Variants in ME1 observed in about 807,000 individuals in gnomAD.
ME1 encodes the protein malic enzyme 1.
In ME1, 74 loss-of-function variants were observed where a neutral mutation model predicts 66.4. That is an observed-to-expected ratio of 1.11 (90% CI 0.92 to 1.35). The LOEUF is 1.35. Among genes scored for constraint, ME1 ranks in the 40% most tolerant of loss-of-function variants. The probability of loss-of-function intolerance (pLI) is 0.00; values close to 1 mark genes in which losing one functional copy is unlikely to be tolerated. For missense variants in ME1, 750 were observed against 694.1 expected, an observed-to-expected ratio of 1.08 and a Z score of -0.90; for synonymous variants, 251 against 235.6, an observed-to-expected ratio of 1.07 and a Z score of -0.60.
At chr6:83,401,125 T>C (rs771848578) in intron 2 of ME1, among the ~76,000 whole-genome samples, 1 of 152,198 alleles carries the variant, frequency 6.6e-6, no homozygotes, top group African/African-American at 2.4e-5. Flanking sequence ...TTTTCTAGCA[T>C]ATTTTATAAT....
chr6:83,376,934 T>A (rs1482223451), intron 3 of ME1, among the ~76,000 whole-genome samples: 3 of 152,062 alleles, frequency 2.0e-5, no homozygotes, highest in Non-Finnish European at 2.9e-5. Flanking sequence ...TTTGGGCCAA[T>A]GAGGTTACAT....
intron 3 of ME1, among the ~76,000 whole-genome samples, chr6:83,360,525 C>T (rs1011535141): frequency 6.6e-6 from 1 of 152,180 alleles, no homozygotes; most frequent in African/African-American, 2.4e-5. Flanking sequence ...CATAGACATA[C>T]TTAGCAGCTG....
intron 1 of ME1, among the ~76,000 whole-genome samples, chr6:83,426,098 G>A (rs1217140350): frequency 6.6e-6 from 1 of 152,176 alleles, no homozygotes; most frequent in East Asian, 1.9e-4. Context: ...ATGTAGCAAG[G>A]AGGACCTTCC....
chr6:83,334,657 C>A (rs1039178262), intron 5 of ME1, among the ~76,000 whole-genome samples: 1 of 43,370 alleles, frequency 2.3e-5, no homozygotes, highest in South Asian at 1.2e-3. Context: ...GGTCCCTGAC[C>A]CCTGACCCCC....
chr6:83,306,780 A>C (rs572217967), intron 6 of ME1, among the ~76,000 whole-genome samples: 75 of 152,224 alleles, frequency 4.9e-4, no homozygotes, highest in African/African-American at 1.8e-3. Flanking sequence ...GATAGTCAGA[A>C]AAAAGCAATC....
chr6:83,381,140 C>T (rs551747215), intron 3 of ME1, among the ~76,000 whole-genome samples: 4 of 151,938 alleles, frequency 2.6e-5, no homozygotes, highest in Middle Eastern at 3.4e-3. Context: ...AAGGCCCAGC[C>T]GAAATTGAAC....
At chr6:83,259,682 G>A (rs1339686546) in intron 6 of ME1, among the ~76,000 whole-genome samples, 1 of 152,110 alleles carries the variant, frequency 6.6e-6, no homozygotes, top group Non-Finnish European at 1.5e-5. Context: ...TTCTTTGTAG[G>A]TAACAACGAA....
chr6:83,288,644 T>G (rs529693467), intron 6 of ME1, among the ~76,000 whole-genome samples: 21 of 152,332 alleles, frequency 1.4e-4, no homozygotes, highest in African/African-American at 5.1e-4. Context: ...GCAGGCTCTT[T>G]TTTGGTTCCA....
chr6:83,347,260 A>G (rs1010567949), intron 4 of ME1, among the ~76,000 whole-genome samples: 27 of 152,118 alleles, frequency 1.8e-4, no homozygotes, highest in African/African-American at 6.5e-4. Context: ...CAGCCTGTTT[A>G]GTTTATTTCT....
In ME1 at chr6:83,292,928, G is replaced by A. The variant is rs146505852; in HGVS notation, c.704+22382C>T. ...CTGTGCTAGCAGTGAGCAAGGCTCC[G>A]TGGGCATGGGACCCACTGAGCCAGG... is the stretch of plus-strand genomic sequence containing the variant. On this transcript the variant is annotated intron_variant, in intron 6 of 13. Transcript: ENST00000369705. Among the ~76,000 whole-genome samples, 239 of 152,292 alleles carry A rather than the reference G, an allele frequency of 1.6e-3. 8 individuals are homozygous for A. In the East Asian group the frequency reaches 0.041, roughly 26 times the overall value.
At chr6:83,293,673 A>G (rs145571502) in intron 6 of ME1, among the ~76,000 whole-genome samples, 23 of 152,302 alleles carry the variant, frequency 1.5e-4, no homozygotes, top group Non-Finnish European at 2.6e-4. Flanking sequence ...GGGATGGGGA[A>G]AGGGGTGAAA....
At chr6:83,411,091 C>T (rs1770040238) in intron 1 of ME1, among the ~76,000 whole-genome samples, 1 of 152,154 alleles carries the variant, frequency 6.6e-6, no homozygotes, top group Non-Finnish European at 1.5e-5. Flanking sequence ...GAAAAATACT[C>T]CTATGGGCCG....
intron 6 of ME1, among the ~76,000 whole-genome samples, chr6:83,267,825 T>C (rs1767014228): frequency 6.6e-6 from 1 of 152,228 alleles, no homozygotes; most frequent in African/African-American, 2.4e-5. Flanking sequence ...ATATGTGATA[T>C]CCATTGACAA....
At chr6:83,273,176 CAAAA>C (rs67482208) in intron 6 of ME1, among the ~76,000 whole-genome samples, 1 of 70,182 alleles carries the variant, frequency 1.4e-5, no homozygotes. Context: ...GACTCTGCCT[CAAAA>C]AAAAAAAAAA....
At chr6:83,412,319 CAG>C (rs1364983603) in intron 1 of ME1, among the ~76,000 whole-genome samples, 1 of 151,824 alleles carries the variant, frequency 6.6e-6, no homozygotes, top group Admixed American at 6.6e-5. Flanking sequence ...ATTATGGTAA[CAG>C]AACTTATAAT....
intron 10 of ME1, among the ~76,000 whole-genome samples, chr6:83,228,010 C>A (rs1790230834): frequency 6.6e-6 from 1 of 152,114 alleles, no homozygotes; most frequent in Non-Finnish European, 1.5e-5. Context: ...ATATTAAACA[C>A]TTAGTAAAGT....
chr6:83,348,702 T>C (rs1036196269), intron 4 of ME1, among the ~76,000 whole-genome samples: 1 of 145,444 alleles, frequency 6.9e-6, no homozygotes, highest in South Asian at 2.2e-4. Flanking sequence ...AAAAAAAAAG[T>C]GGGCCAATTG....
At chr6:83,214,303 C>A (rs1380598215) in intron 13 of ME1, among the ~76,000 whole-genome samples, 3 of 152,216 alleles carry the variant, frequency 2.0e-5, no homozygotes, top group African/African-American at 2.4e-5. Context: ...CTCTCTCTGT[C>A]CTGTCAATGC....
rs1481983358 is a variant in ME1 at position 83,400,725 on chromosome 6, C to T, written c.213-2209G>A. Among the ~76,000 whole-genome samples, 11 of 152,192 alleles carry T rather than the reference C, an allele frequency of 7.2e-5. 1 individual carries two copies. The highest frequency in any genetic ancestry group is 2.2e-4 in the African/African-American group (9 of 41,440). On this transcript the variant is annotated intron_variant, in intron 2 of 13. Coordinates refer to ENST00000369705, the MANE Select transcript of ME1 (RefSeq NM_002395.6). ...TGAAATTATAGCTTAGATCATGTGGCTCTTCTGGTCAAAAACCTCAAGAGG... is the reference window on the plus strand; with the variant it reads ...TGAAATTATAGCTTAGATCATGTGGTTCTTCTGGTCAAAAACCTCAAGAGG...
Sources: gnomAD v4.1 joint callset for allele counts (sites outside exome capture counted in the v4.1 genomes callset) on GRCh38, gnomAD v4.1.1 for gene constraint, MANE v1.5 for transcripts, NCBI Gene and HGNC (gene_info 2026-07-23, HGNC 2026-07-21) for gene names.